LRRC7: variants seen among roughly 807,000 people sequenced by gnomAD.
The protein encoded by LRRC7 is leucine rich repeat containing 7, also known as leucine-rich repeat-containing protein 7.
Under a neutral mutation model 175.7 loss-of-function variants are expected in LRRC7, and 23 were observed. That is an observed-to-expected ratio of 0.13 (90% CI 0.09 to 0.19). The LOEUF (loss-of-function observed/expected upper bound fraction) is 0.19. Ranked by LOEUF, LRRC7 falls within the 10% of genes least tolerant of loss-of-function variation. The pLI is 1.00. For missense variants in LRRC7, 1,354 were observed against 1,904.7 expected (o/e 0.71, Z 5.38); for synonymous variants, 685 against 680.9 (o/e 1.01, Z -0.09).
intron 7 of LRRC7, among the ~76,000 whole-genome samples, chr1:69,918,889 A>C (rs1646797808): frequency 1.3e-5 from 2 of 152,194 alleles, no homozygotes; most frequent in South Asian, 4.1e-4. Flanking sequence ...TCTTTCCCCC[A>C]GAACAAGCAA....
intron 13 of LRRC7, among the ~76,000 whole-genome samples, chr1:70,013,781 A>T (rs111231168): frequency 0.015 from 2,348 of 152,128 alleles, 60 homozygotes; most frequent in African/African-American, 0.053. Flanking sequence ...ATCACAAAAT[A>T]TAATGCATGA....
rs1047665553 is a variant in LRRC7 at position 69,578,231 on chromosome 1, A to T, written c.2+9590A>T. ...GGCCATCAGAGAAATGCAAATCAAA[A>T]CCACAATGAGATACCATCTCACACC... On this transcript the variant is annotated intron_variant, in intron 1 of 26. Coordinates refer to ENST00000651989, the MANE Select transcript of LRRC7 (RefSeq NM_001370785.2). Among the ~76,000 whole-genome samples, 41 of 151,072 alleles carry T rather than the reference A, an allele frequency of 2.7e-4. 1 individual carries two copies. The highest frequency in any genetic ancestry group is 4.4e-5 in the Non-Finnish European group (3 of 67,838).
At chr1:70,011,460 C>G (rs906421402) in intron 11 of LRRC7, among the ~76,000 whole-genome samples, 2 of 152,082 alleles carry the variant, frequency 1.3e-5, no homozygotes, top group Non-Finnish European at 2.9e-5. Flanking sequence ...TCTCCTTACC[C>G]CATGACAGTT....
chr1:69,963,118 G>A (rs1404283452), intron 8 of LRRC7, among the ~76,000 whole-genome samples: 2 of 151,750 alleles, frequency 1.3e-5, no homozygotes, highest in Admixed American at 6.6e-5. Context: ...AGCCTGGCCA[G>A]CCTGGTGAAA....
At chr1:69,979,237 T>C (rs187161216) in intron 8 of LRRC7, among the ~76,000 whole-genome samples, 102 of 152,160 alleles carry the variant, frequency 6.7e-4, no homozygotes, top group Non-Finnish European at 1.4e-3. Context: ...TCTCCCAAAG[T>C]GGTAAAAAAC....
At position 70,143,473 on chromosome 1, in the gene LRRC7, A is replaced by G. The variant is rs959233043; in HGVS notation, c.*21586A>G. ...GACATTTTACATAGACATATTGTAT[A>G]TTAATGCATGCATTTCACTGCATAG... On this transcript the variant is annotated 3_prime_UTR_variant, in exon 27 of 27. Transcript: ENST00000651989. 6.6e-6 allele frequency: 1 copy of G among 152,194 alleles called. No homozygotes were observed. The highest frequency in any genetic ancestry group is 1.5e-5 in the Non-Finnish European group (1 of 68,026). The allele number at this position is 152,194 out of a possible 1,614,324, so 9.4% of individuals were successfully genotyped here.
intron 1 of LRRC7, among the ~76,000 whole-genome samples, chr1:69,570,216 G>A (rs1373478956): frequency 6.6e-6 from 1 of 152,046 alleles, no homozygotes; most frequent in Non-Finnish European, 1.5e-5. Flanking sequence ...TCCCTCCAAC[G>A]GGTGAGATAC....
chr1:70,091,076 G>C (rs1193668868), intron 25 of LRRC7, among the ~76,000 whole-genome samples: 1 of 152,136 alleles, frequency 6.6e-6, no homozygotes, highest in African/African-American at 2.4e-5. Context: ...TGGTCAACAG[G>C]CTGGAGCAGC....
At chr1:70,053,869 G>A (rs948937269) in intron 23 of LRRC7, among the ~76,000 whole-genome samples, 2 of 151,854 alleles carry the variant, frequency 1.3e-5, no homozygotes, top group Non-Finnish European at 2.9e-5. Context: ...GAATCAGGTG[G>A]GTAAATAAAT....
intron 7 of LRRC7, among the ~76,000 whole-genome samples, chr1:69,888,867 A>G (rs1408531884): frequency 2.0e-5 from 3 of 152,188 alleles, no homozygotes; most frequent in Non-Finnish European, 4.4e-5. Flanking sequence ...GCATAAGAAT[A>G]TATTGAGTAC....
At chr1:69,735,066 TATG>T (rs1490854998) in intron 2 of LRRC7, among the ~76,000 whole-genome samples, 1 of 152,002 alleles carries the variant, frequency 6.6e-6, no homozygotes, top group African/African-American at 2.4e-5. Flanking sequence ...TTGCAGATAT[TATG>T]ATACTTCCTC....
chr1:70,011,947 CTATT>C, intron 12 of LRRC7, 21 bp downstream of exon 12: 1 of 1,562,416 alleles, frequency 6.4e-7, no homozygotes, highest in Non-Finnish European at 8.8e-7. Flanking sequence ...AACTTGTTTT[CTATT>C]TATTAACTTT....
Position 70,141,042 on chromosome 1 carries a change from C to T in LRRC7, c.*19155C>T, listed in dbSNP as rs537526926. Reference sequence around the variant, plus strand: ...CTAATAAGGCAATGGAACACTCAAGCAGATTTTCCTCTAATGAGTAGTTAA... The same window carrying T: ...CTAATAAGGCAATGGAACACTCAAGTAGATTTTCCTCTAATGAGTAGTTAA... On this transcript the variant is annotated 3_prime_UTR_variant, in exon 27 of 27. Coordinates refer to ENST00000651989, the MANE Select transcript of LRRC7 (RefSeq NM_001370785.2). 2.6e-5 allele frequency among the ~76,000 whole-genome samples: 4 copies of T among 152,154 alleles called. No homozygotes were observed. The highest frequency in any genetic ancestry group is 3.9e-4 in the East Asian group (2 of 5,172).
intron 5 of LRRC7, among the ~76,000 whole-genome samples, chr1:69,833,697 T>C (rs1481480519): frequency 6.6e-6 from 1 of 151,956 alleles, no homozygotes; most frequent in African/African-American, 2.4e-5. Flanking sequence ...GAACAAGCAG[T>C]GATGGCAACT....
rs1425932922 is a variant in LRRC7 at position 70,123,507 on chromosome 1, G to A, written c.*1620G>A. On this transcript the variant is annotated 3_prime_UTR_variant, in exon 27 of 27. Transcript: ENST00000651989. The stretch of plus-strand genomic sequence containing the variant: ...ATTAGAAGTACAGTGGTATTTTTTG[G>A]CAATAGAATTTGTCACTTGGGAGAA... The A allele has an allele frequency of 6.6e-6, 1 of 152,036 alleles. No individual in the cohort carries two copies. The highest frequency in any genetic ancestry group is 2.4e-5 in the African/African-American group (1 of 41,392). 9.4% of individuals were successfully genotyped at this position (152,036 alleles called of 1,614,324 possible). A position where few individuals can be genotyped will look rare whatever the true frequency, so the allele number is the denominator to read the frequency against.
intron 3 of LRRC7, among the ~76,000 whole-genome samples, chr1:69,781,767 A>G (rs867076714): frequency 0.046 from 1,318 of 28,518 alleles, 169 homozygotes; most frequent in South Asian, 0.076. Flanking sequence ...GAGAGAGAGA[A>G]AGAAAGAAAG....
intron 7 of LRRC7, among the ~76,000 whole-genome samples, chr1:69,915,006 A>T (rs1280668410): frequency 6.6e-6 from 1 of 152,208 alleles, no homozygotes; most frequent in African/African-American, 2.4e-5. Context: ...AACAGGCCAG[A>T]TTCAGATGAC....
intron 7 of LRRC7, among the ~76,000 whole-genome samples, chr1:69,865,215 C>T (rs532444882): frequency 2.0e-5 from 3 of 152,122 alleles, no homozygotes; most frequent in East Asian, 3.9e-4. Flanking sequence ...AGCGATGGTT[C>T]CAGTAGAGGC....
At chr1:69,911,996 T>G (rs1646546440) in intron 7 of LRRC7, among the ~76,000 whole-genome samples, 1 of 152,204 alleles carries the variant, frequency 6.6e-6, no homozygotes, top group Non-Finnish European at 1.5e-5. Context: ...ACAAAGCATT[T>G]ACATTGTATC....
Sources: gnomAD v4.1 joint callset for allele counts (sites outside exome capture counted in the v4.1 genomes callset) on GRCh38, gnomAD v4.1.1 for gene constraint, MANE v1.5 for transcripts, NCBI Gene and HGNC (gene_info 2026-07-23, HGNC 2026-07-21) for gene names.